The following ETNPPL variants were observed in gnomAD, a reference collection of about 807,000 sequenced individuals.
ETNPPL encodes alanine--glyoxylate aminotransferase 2-like 1.
In ETNPPL, 30 loss-of-function variants were observed where a neutral mutation model predicts 55.5. The observed-to-expected ratio is 0.54, with a 90% confidence interval of 0.40 to 0.73. ETNPPL has a LOEUF of 0.73. ETNPPL is among the 30% of genes least tolerant of loss of function. The pLI, the probability that ETNPPL is intolerant of heterozygous loss-of-function variation, is 0.00. For missense variants in ETNPPL, 528 were observed against 607.9 expected (o/e 0.87, Z 1.38); for synonymous variants, 202 against 207.2 (o/e 0.98, Z 0.21).
intron 1 of ETNPPL, chr4:108,762,546 T>C (rs1455048997): frequency 3.1e-6 from 2 of 645,444 alleles, no homozygotes; most frequent in African/African-American, 1.8e-5. Flanking sequence ...GCTAGGGCTA[T>C]TGGCCGTCAT....
At chr4:108,761,911 G>C (rs1225395893) in intron 1 of ETNPPL, among the ~76,000 whole-genome samples, 1 of 152,160 alleles carries the variant, frequency 6.6e-6, no homozygotes. Flanking sequence ...AACCCCAAGT[G>C]CTCTCTCATG....
chr4:108,745,514 A>C (rs1728432236), intron 11 of ETNPPL, among the ~76,000 whole-genome samples: 1 of 152,102 alleles, frequency 6.6e-6, no homozygotes, highest in Admixed American at 6.6e-5. Context: ...GAATTGCTTG[A>C]ATCTGGGAGG....
chr4:108,745,503 A>G (rs1728431423), intron 11 of ETNPPL, among the ~76,000 whole-genome samples: 1 of 152,072 alleles, frequency 6.6e-6, no homozygotes, highest in Admixed American at 6.6e-5. Context: ...CTGAGACAGG[A>G]GAATTGCTTG....
chr4:108,753,278 C>T (rs1390658378), intron 5 of ETNPPL, among the ~76,000 whole-genome samples: 1 of 152,006 alleles, frequency 6.6e-6, no homozygotes, highest in East Asian at 1.9e-4. Context: ...TTCAAATCAA[C>T]AAATGTGATG....
Position 108,754,620 on chromosome 4 carries a change from C to T in ETNPPL, c.501G>A (p.Val167=), listed in dbSNP as rs1265877350. The T allele has an allele frequency of 6.8e-7, 1 of 1,462,168 alleles. No individual in the cohort carries two copies. The highest frequency in any genetic ancestry group is 1.2e-5 in the South Asian group (1 of 86,858). 90.6% of individuals were successfully genotyped at this position (1,462,168 alleles called of 1,614,324 possible). A position where few individuals can be genotyped will look rare whatever the true frequency, so the allele number is the denominator to read the frequency against. ...GKDVKKEFVH[V]APTPDTYRGK... Reference sequence around the variant, plus strand: ...TGATTTAGGATTTTAAGACACTTACCACATGTACAAATTCTTTTTTGACAT... The same window carrying T: ...TGATTTAGGATTTTAAGACACTTACTACATGTACAAATTCTTTTTTGACAT... Residue 167 remains valine (V), a splice_region_variant and synonymous_variant, in exon 5 of 13, where the codon GTG becomes GTA. Transcript: ENST00000296486.
At chr4:108,756,601 C>T (rs1729213319) in intron 3 of ETNPPL, 109 bp from the exon 4 acceptor site, 1 of 753,240 alleles carries the variant, frequency 1.3e-6, no homozygotes, top group South Asian at 1.6e-5. Flanking sequence ...CTTTGAGAGG[C>T]CAAGGAGGGC....
chr4:108,757,680 T>C (rs1729279825), intron 3 of ETNPPL, among the ~76,000 whole-genome samples: 1 of 152,178 alleles, frequency 6.6e-6, no homozygotes, highest in African/African-American at 2.4e-5. Context: ...GACTCATGTC[T>C]GTAATCCTAG....
chr4:108,761,012 G>C (rs1729485435), intron 1 of ETNPPL, among the ~76,000 whole-genome samples: 1 of 152,100 alleles, frequency 6.6e-6, no homozygotes, highest in Non-Finnish European at 1.5e-5. Flanking sequence ...AGTGGTACTT[G>C]TCCAGTATCA....
At chr4:108,747,224 TTATA>T (rs1392205218) in intron 9 of ETNPPL, among the ~76,000 whole-genome samples, 5 of 24,690 alleles carry the variant, frequency 2.0e-4, no homozygotes, top group Admixed American at 5.5e-4. Flanking sequence ...TATATATATA[TTATA>T]TATATATATA....
intron 11 of ETNPPL, among the ~76,000 whole-genome samples, chr4:108,744,886 A>C (rs545207786): frequency 7.1e-4 from 108 of 151,990 alleles, no homozygotes; most frequent in Non-Finnish European, 1.3e-3. Context: ...TGTCCGGCTA[A>C]TTTTTGTATT....
At chr4:108,749,653 T>G (rs1024235554) in intron 7 of ETNPPL, among the ~76,000 whole-genome samples, 190 bp from the exon 8 acceptor site, 1 of 152,196 alleles carries the variant, frequency 6.6e-6, no homozygotes, top group Non-Finnish European at 1.5e-5. Context: ...CACATAATTT[T>G]TAGATTAGAT....
chr4:108,746,374 A>G, intron 11 of ETNPPL, 25 bp downstream of exon 11: 1 of 1,600,006 alleles, frequency 6.2e-7, no homozygotes. Context: ...GAACAAGAAG[A>G]CATCTTAAAG....
chr4:108,759,768 A>C lies in ETNPPL; in HGVS notation c.316T>G (p.Cys106Gly). The change falls in exon 3 of 13, where the codon TGT becomes GGT. Residue 106 changes from cysteine to glycine, a missense_variant. Coordinates refer to ENST00000296486, the MANE Select transcript of ETNPPL (RefSeq NM_031279.4). The part of the protein sequence containing the change: ...SATLPEKLSV[C>G]YFTNSGSEAN... ...GCATACCCTGAATTTGTAAAATAAC[A>C]AACAGAGAGTTTCTCCGGCAGAGTT... 6.2e-7 allele frequency: 1 copy of C among 1,614,162 alleles called. No homozygotes were observed. Among genetic ancestry groups the C allele is most frequent in the Non-Finnish European group, 8.5e-7 (1 of 1,180,018 alleles).
chr4:108,759,264 T>C (rs1428926307), intron 3 of ETNPPL, among the ~76,000 whole-genome samples: 1 of 149,686 alleles, frequency 6.7e-6, no homozygotes, highest in Non-Finnish European at 1.5e-5. Flanking sequence ...AGCTGGGCGT[T>C]GTGGCGGGTG....
At chr4:108,759,049 C>CA (rs1237391616) in intron 3 of ETNPPL, among the ~76,000 whole-genome samples, 1 of 151,742 alleles carries the variant, frequency 6.6e-6, no homozygotes, top group African/African-American at 2.4e-5. Context: ...AACTCCATCT[C>CA]AAAAAAATAA....
chr4:108,760,419 A>T lies in ETNPPL; in HGVS notation c.57-113T>A, dbSNP rs1326644870. On this transcript the variant is annotated intron_variant, in intron 1 of 12. Transcript: ENST00000296486. ...GTACAGTTACATAAAGGAAAGGGAA[A>T]ACACAACCTGGATGACATACATTTC... 3 of 546,554 alleles carry T rather than the reference A, an allele frequency of 5.5e-6. No individual in the cohort carries two copies. The African/African-American group carries it at 5.5e-5, about 10-fold the overall frequency. 33.9% of individuals were successfully genotyped at this position (546,554 alleles called of 1,614,324 possible). A position where few individuals can be genotyped will look rare whatever the true frequency, so the allele number is the denominator to read the frequency against.
At chr4:108,755,842 A>T (rs1729171514) in intron 4 of ETNPPL, among the ~76,000 whole-genome samples, 1 of 152,176 alleles carries the variant, frequency 6.6e-6, no homozygotes, top group Admixed American at 6.5e-5. Context: ...ACAAACAAAC[A>T]AACTCTAATA....
intron 1 of ETNPPL, 78 bp downstream of exon 1, chr4:108,762,765 A>C: frequency 2.0e-6 from 3 of 1,505,766 alleles, no homozygotes; most frequent in Non-Finnish European, 2.8e-6. Context: ...TTTGTTCCCT[A>C]GCCGGCTTTC....
intron 6 of ETNPPL, 137 bp from the exon 7 acceptor site, chr4:108,751,155 T>G: frequency 2.0e-6 from 1 of 495,156 alleles, no homozygotes; most frequent in Non-Finnish European, 3.7e-6. Flanking sequence ...GCCATTTGAT[T>G]AAAGAAAAAG....
Sources: gnomAD v4.1 joint callset for allele counts (sites outside exome capture counted in the v4.1 genomes callset) on GRCh38, gnomAD v4.1.1 for gene constraint, MANE v1.5 for transcripts, NCBI Gene and HGNC (gene_info 2026-07-23, HGNC 2026-07-21) for gene names.